TTBK2: variants seen among roughly 807,000 people sequenced by gnomAD.
TTBK2 encodes the protein tau tubulin kinase 2, also known as tau-tubulin kinase 2.
TTBK2 carries 28 observed loss-of-function variants against 110.8 expected under a neutral mutation model. That is an observed-to-expected ratio of 0.25 (90% CI 0.19 to 0.35). The LOEUF is 0.35. Ranked by LOEUF, TTBK2 falls within the 10% of genes least tolerant of loss-of-function variation. TTBK2 has a pLI of 1.00. For synonymous variants in TTBK2, 532 were observed against 527.3 expected (o/e 1.01, Z -0.12); for missense variants, 1,369 against 1,500.3 (o/e 0.91, Z 1.45).
intron 10 of TTBK2, among the ~76,000 whole-genome samples, chr15:42,786,132 AG>A (rs1890403637): frequency 3.6e-5 from 2 of 55,888 alleles, no homozygotes; most frequent in Non-Finnish European, 8.3e-5. Flanking sequence ...AAAAAAAGAA[AG>A]AAAAAAAAAA....
rs540306391 is a variant in TTBK2 at position 42,882,965 on chromosome 15, G to A, written c.-67-4281C>T. ...ATGGAGGAAGAGCAATAGAAATCCA[G>A]GGAAGTATAAGAGCCTGATTTTCTC... On this transcript the variant is annotated intron_variant, in intron 1 of 14. Coordinates refer to ENST00000267890, the MANE Select transcript of TTBK2 (RefSeq NM_173500.4). Among the ~76,000 whole-genome samples, 14 of 152,236 alleles carry A rather than the reference G, an allele frequency of 9.2e-5. 2 individuals carry two copies. The highest frequency in any genetic ancestry group is 3.4e-4 in the African/African-American group (14 of 41,520).
intron 6 of TTBK2, 114 bp downstream of exon 6, chr15:42,827,814 G>T: frequency 1.2e-6 from 1 of 837,106 alleles, no homozygotes; most frequent in Non-Finnish European, 1.9e-6. Flanking sequence ...AAATGTATAT[G>T]CCACTTCTTA....
chr15:42,885,089 T>C (rs1244816049), intron 1 of TTBK2, among the ~76,000 whole-genome samples: 1 of 152,236 alleles, frequency 6.6e-6, no homozygotes, highest in Admixed American at 6.5e-5. Flanking sequence ...GCTGACTCTC[T>C]TTTCGGGCTC....
intron 3 of TTBK2, among the ~76,000 whole-genome samples, chr15:42,844,632 T>A (rs1260887107): frequency 6.6e-6 from 1 of 152,250 alleles, no homozygotes; most frequent in Non-Finnish European, 1.5e-5. Flanking sequence ...ATATCAAGCA[T>A]GTTACATGCA....
Position 42,775,601 on chromosome 15 carries a change from T to C in TTBK2, c.1532A>G (p.Tyr511Cys), listed in dbSNP as rs910340635. The C allele has an allele frequency of 1.2e-6, 2 of 1,614,104 alleles. No homozygotes were observed. The change falls in exon 13 of 15, where the codon TAT (tyrosine) becomes TGT (cysteine). Residue 511 changes from tyrosine (Y) to cysteine (C), a missense_variant. This residue lies in a region of TTBK2 where 1,097 missense variants were observed against 1,114.7 expected (regional missense o/e 0.98). Transcript: ENST00000267890. ...AGCAGGCTTGGAGGCATCTGGAAGA[T>C]ATTCTTCATCATAGTGCCAGATGTG... ...TDHIWHYDEE[Y>C]LPDASKPASA...
At chr15:42,779,154 C>T (rs977405375) in intron 11 of TTBK2, among the ~76,000 whole-genome samples, 3 of 152,110 alleles carry the variant, frequency 2.0e-5, no homozygotes, top group African/African-American at 7.2e-5. Flanking sequence ...GCCTATAATC[C>T]CAGCACTTTG....
chr15:42,801,978 G>A (rs778323796), intron 9 of TTBK2: 2 of 1,554,854 alleles, frequency 1.3e-6, no homozygotes, highest in Admixed American at 3.3e-5. Context: ...ACTTAAGGTT[G>A]TTGATGTAGC....
intron 1 of TTBK2, among the ~76,000 whole-genome samples, chr15:42,896,277 G>A (rs1381191787): frequency 6.6e-6 from 1 of 152,014 alleles, no homozygotes; most frequent in Non-Finnish European, 1.5e-5. Context: ...GCAGTGAGCT[G>A]AGATCGTGCC....
At chr15:42,798,270 A>G in intron 9 of TTBK2, 1 of 456,208 alleles carries the variant, frequency 2.2e-6, no homozygotes, top group Non-Finnish European at 4.4e-6. Flanking sequence ...TAATTCTCAA[A>G]CTGGAAAGGG....
intron 3 of TTBK2, among the ~76,000 whole-genome samples, chr15:42,844,133 G>A (rs1567056143): frequency 6.6e-6 from 1 of 152,148 alleles, no homozygotes; most frequent in Non-Finnish European, 1.5e-5. Flanking sequence ...GGCTTTTTCT[G>A]TGCAGCAGGC....
chr15:42,832,250 C>T (rs187330694), intron 4 of TTBK2, among the ~76,000 whole-genome samples: 179 of 151,926 alleles, frequency 1.2e-3, no homozygotes, highest in African/African-American at 4.1e-3. Flanking sequence ...ATTGTGATGC[C>T]GAAAATATAC....
intron 9 of TTBK2, 115 bp downstream of exon 9, chr15:42,810,499 A>T: frequency 3.9e-6 from 5 of 1,279,570 alleles, no homozygotes; most frequent in Non-Finnish European, 5.6e-6. Context: ...GTATTAAAAC[A>T]GTCGTATTCT....
Position 42,783,472 on chromosome 15 carries a change from C to T in TTBK2, c.1144G>A (p.Val382Ile), listed in dbSNP as rs762029157. 3.1e-6 allele frequency: 5 copies of T among 1,614,208 alleles called. No homozygotes were observed. The highest frequency in any genetic ancestry group is 4.2e-6 in the Non-Finnish European group (5 of 1,180,050). ...LGHPRPQEKD[V>I]WEEMDANKNK... Reference sequence around the variant, plus strand: ...TTGTTGGCATCCATCTCTTCCCAAACATCCTTCTCCTGGGGACGGGGGTGT... The same window carrying T: ...TTGTTGGCATCCATCTCTTCCCAAATATCCTTCTCCTGGGGACGGGGGTGT... Residue 382 changes from valine (V) to isoleucine (I), a missense_variant, in exon 11 of 15, where the codon GTT becomes ATT. Around this residue, in one of 4 missense-constraint regions of TTBK2, gnomAD observed 1,097 missense variants for 1,114.7 expected, o/e 0.98. Transcript: ENST00000267890.
At chr15:42,834,198 G>C (rs976352563) in intron 4 of TTBK2, among the ~76,000 whole-genome samples, 1 of 148,808 alleles carries the variant, frequency 6.7e-6, no homozygotes, top group East Asian at 2.0e-4. Flanking sequence ...AAAAAAAAAG[G>C]GGGGGGGTGT....
intron 13 of TTBK2, among the ~76,000 whole-genome samples, chr15:42,762,394 T>G (rs2062041426): frequency 6.6e-6 from 1 of 152,128 alleles, no homozygotes; most frequent in South Asian, 2.1e-4. Flanking sequence ...TCAACCCAAG[T>G]GTACAACAAC....
chr15:42,902,195 A>C (rs2030079909), intron 1 of TTBK2, among the ~76,000 whole-genome samples: 1 of 149,880 alleles, frequency 6.7e-6, no homozygotes, highest in Non-Finnish European at 1.5e-5. Context: ...CAGCATGGGC[A>C]ACAGAGCGAG....
chr15:42,896,209 T>C (rs1197871103), intron 1 of TTBK2, among the ~76,000 whole-genome samples: 3 of 151,994 alleles, frequency 2.0e-5, no homozygotes, highest in Non-Finnish European at 4.4e-5. Flanking sequence ...ATGCCTGTAA[T>C]CCCAGCTACT....
At chr15:42,860,415 A>G (rs993357825) in intron 3 of TTBK2, among the ~76,000 whole-genome samples, 2 of 151,976 alleles carry the variant, frequency 1.3e-5, no homozygotes, top group Admixed American at 1.3e-4. Context: ...TAGAGGGAAA[A>G]GAAAAACAAG....
chr15:42,916,963 T>C (rs2031113115), intron 1 of TTBK2, among the ~76,000 whole-genome samples: 1 of 152,172 alleles, frequency 6.6e-6, no homozygotes, highest in African/African-American at 2.4e-5. Context: ...GATTCTTGTT[T>C]TCAATAAAGA....
Sources: gnomAD v4.1 joint callset for allele counts (sites outside exome capture counted in the v4.1 genomes callset) on GRCh38, gnomAD v4.1.1 for gene constraint, gnomAD v4.1.1 regional missense constraint, MANE v1.5 for transcripts, NCBI Gene and HGNC (gene_info 2026-07-23, HGNC 2026-07-21) for gene names.